Variants in EBF1 observed in about 807,000 individuals in gnomAD.
EBF1 encodes the protein EBF transcription factor 1.
In EBF1, 10 loss-of-function variants were observed where a neutral mutation model predicts 68.4. The ratio of observed to expected loss-of-function variants is 0.15; its 90% CI spans 0.09 to 0.25. The LOEUF is 0.25. Ranked by LOEUF, EBF1 falls within the 10% of genes least tolerant of loss-of-function variation. The pLI is 1.00. For missense variants in EBF1, 509 were observed against 794.4 expected (o/e 0.64, Z 4.32); for synonymous variants, 298 against 299.8 (o/e 0.99, Z 0.06).
rs375659566 is a variant in EBF1, at chr5:158,703,708, T to C, written c.1744+4271A>G. On this transcript the variant is annotated intron_variant, in intron 15 of 15. Transcript: ENST00000313708. The stretch of plus-strand genomic sequence containing the variant: ...TCATGATAGAATCTGTGAATCCTAC[T>C]GGTCACCGCATGTTATCCAGGACAT... Among the ~76,000 whole-genome samples the C allele has an allele frequency of 1.1e-3, 170 of 152,162 alleles. 5 individuals carry two copies. The South Asian group carries it at 0.033, about 30-fold the overall frequency.
chr5:159,029,945 C>A, intron 6 of EBF1, among the ~76,000 whole-genome samples: 2 of 145,530 alleles, frequency 1.4e-5, no homozygotes, highest in African/African-American at 5.1e-5. Context: ...CAACAAAGAG[C>A]AAAACTCCTT....
At chr5:158,984,578 G>A (rs1272287982) in intron 6 of EBF1, 2 of 151,946 alleles carry the variant, frequency 1.3e-5, no homozygotes, top group Middle Eastern at 3.4e-3. Flanking sequence ...GTCTCAGTTT[G>A]GTGCTAGTAT....
chr5:158,709,030 G>A (rs562862948), intron 14 of EBF1, among the ~76,000 whole-genome samples: 44 of 152,092 alleles, frequency 2.9e-4, no homozygotes, highest in Non-Finnish European at 5.3e-4. Context: ...ATTCTCTACC[G>A]ACCATGATCC....
intron 6 of EBF1, among the ~76,000 whole-genome samples, chr5:158,968,207 A>G (rs554361677): frequency 1.3e-4 from 20 of 152,330 alleles, no homozygotes; most frequent in African/African-American, 4.6e-4. Context: ...TAATCAGAAC[A>G]GTGAACTAAT....
At chr5:158,867,784 T>G (rs1796199116) in intron 6 of EBF1, among the ~76,000 whole-genome samples, 1 of 152,232 alleles carries the variant, frequency 6.6e-6, no homozygotes, top group African/African-American at 2.4e-5. Context: ...CAGAGCTAAT[T>G]ATTACAATGG....
In EBF1 at chr5:158,842,558, G is replaced by A. The variant is rs139225419; in HGVS notation, c.555-2448C>T. On this transcript the variant is annotated intron_variant, in intron 6 of 15. Transcript: ENST00000313708. ...TGACAGGTACTACCTGTGTGACTTT[G>A]GATAAGGAGCTGAACTTCTCTGCAC... Among the ~76,000 whole-genome samples the A allele has an allele frequency of 1.1e-3, 175 of 152,300 alleles. 1 individual carries two copies. Among genetic ancestry groups the A allele is most frequent in the Non-Finnish European group, 2.2e-3 (149 of 68,034 alleles).
intron 6 of EBF1, among the ~76,000 whole-genome samples, chr5:159,027,134 C>A (rs1225470644): frequency 6.6e-6 from 1 of 152,144 alleles, no homozygotes; most frequent in Non-Finnish European, 1.5e-5. Flanking sequence ...AGGGGCAGTG[C>A]CACTATGTAG....
At chr5:158,910,312 CT>C (rs1406414633) in intron 6 of EBF1, among the ~76,000 whole-genome samples, 6 of 152,230 alleles carry the variant, frequency 3.9e-5, no homozygotes, top group Non-Finnish European at 7.3e-5. Flanking sequence ...TTAAAATGCC[CT>C]TCTCACAAAA....
rs754833014 is a variant in EBF1, at chr5:159,099,392, C to G, written c.87G>C (p.Thr29=). 6.2e-7 allele frequency: 1 copy of G among 1,601,726 alleles called. No homozygotes were observed. Among genetic ancestry groups the G allele is most frequent in the Admixed American group, 1.7e-5 (1 of 58,810 alleles). The change falls in exon 1 of 16, where the codon ACG becomes ACC. Residue 29 remains threonine (T), a synonymous_variant. Coordinates refer to ENST00000313708, the MANE Select transcript of EBF1 (RefSeq NM_024007.5). ...PLGSGMNAVR[T]WMQGAGVLDA... is the part of the protein sequence containing the mutation. ...CCAGCACCCCGGCGCCCTGCATCCA[C>G]GTCCGCACCGCGTTCATGCCGCTGC...
chr5:158,789,766 G>A (rs1778231290), intron 9 of EBF1, among the ~76,000 whole-genome samples: 1 of 152,096 alleles, frequency 6.6e-6, no homozygotes, highest in South Asian at 2.1e-4. Context: ...GTCAAGGCCG[G>A]GCAAAAAGGC....
intron 6 of EBF1, among the ~76,000 whole-genome samples, chr5:158,882,875 A>T (rs909776068): frequency 4.6e-5 from 7 of 152,208 alleles, no homozygotes; most frequent in South Asian, 4.1e-4. Flanking sequence ...TCATGTGTGA[A>T]TCTGCATGAC....
intron 6 of EBF1, among the ~76,000 whole-genome samples, chr5:158,957,334 G>A (rs1198232134): frequency 6.6e-6 from 1 of 152,172 alleles, no homozygotes; most frequent in Non-Finnish European, 1.5e-5. Flanking sequence ...AAATGACAAA[G>A]ATTAAGTCAC....
chr5:158,700,349 C>T (rs998142908), intron 15 of EBF1, among the ~76,000 whole-genome samples: 4 of 152,196 alleles, frequency 2.6e-5, no homozygotes, highest in Admixed American at 6.5e-5. Flanking sequence ...AAGGGGCAGC[C>T]GTCTTTGGCT....
chr5:158,999,823 A>G (rs1353150109), intron 6 of EBF1, among the ~76,000 whole-genome samples: 1 of 152,210 alleles, frequency 6.6e-6, no homozygotes, highest in Non-Finnish European at 1.5e-5. Context: ...ATAAGCATTA[A>G]AACTTTATTG....
intron 7 of EBF1, among the ~76,000 whole-genome samples, chr5:158,831,543 T>C (rs1258800555): frequency 6.6e-6 from 1 of 152,036 alleles, no homozygotes; most frequent in Non-Finnish European, 1.5e-5. Context: ...AAATTTCAGA[T>C]TGTGATAAGT....
At chr5:158,897,987 C>T (rs1329064825) in intron 6 of EBF1, among the ~76,000 whole-genome samples, 3 of 152,124 alleles carry the variant, frequency 2.0e-5, no homozygotes, top group Non-Finnish European at 2.9e-5. Context: ...CAAATGCTGG[C>T]CATCACTATT....
At position 158,997,731 on chromosome 5, in the gene EBF1, CAGTGGAT is replaced by C. The variant is rs1288941062; in HGVS notation, c.554+75658_554+75664del. Among the ~76,000 whole-genome samples, 4 of 152,258 alleles carry C rather than the reference CAGTGGAT, an allele frequency of 2.6e-5. No homozygotes were observed. The East Asian group carries it at 7.7e-4, about 29-fold the overall frequency. Reference sequence around the variant, plus strand: ...ATGTCATCCCTCTTGTAAAACCCTCCAGTGGATCCCTGTGGCCCAAAGGAAGAAGTCC... The same window carrying C: ...ATGTCATCCCTCTTGTAAAACCCTCCCCCTGTGGCCCAAAGGAAGAAGTCC... On this transcript the variant is annotated intron_variant, in intron 6 of 15. Coordinates refer to ENST00000313708, the MANE Select transcript of EBF1 (RefSeq NM_024007.5).
intron 6 of EBF1, among the ~76,000 whole-genome samples, chr5:158,856,822 G>A (rs1159407590): frequency 6.6e-6 from 1 of 152,128 alleles, no homozygotes; most frequent in Non-Finnish European, 1.5e-5. Context: ...TAGACAGCTT[G>A]TGCTCATAAG....
chr5:159,083,583 T>G (rs1281600182), intron 5 of EBF1, among the ~76,000 whole-genome samples: 1 of 152,118 alleles, frequency 6.6e-6, no homozygotes, highest in Non-Finnish European at 1.5e-5. Context: ...AAGAAGTTGG[T>G]ATTTGGGATT....
Sources: allele counts gnomAD v4.1 joint callset (sites outside exome capture counted in the v4.1 genomes callset), GRCh38; gene constraint gnomAD v4.1.1; transcripts MANE v1.5; gene names NCBI Gene and HGNC (gene_info 2026-07-23, HGNC 2026-07-21).